DSCAM: variants seen among roughly 807,000 people sequenced by gnomAD.
DSCAM encodes the protein DS cell adhesion molecule.
DSCAM carries 47 observed loss-of-function variants against 217.7 expected under a neutral mutation model. That is an observed-to-expected ratio of 0.22 (90% confidence interval 0.17 to 0.28). The LOEUF is 0.28. Among genes scored for constraint, DSCAM ranks in the 10% least tolerant of loss-of-function variants. DSCAM has a pLI of 1.00. For missense variants in DSCAM, 2,080 were observed against 2,618.3 expected, an observed-to-expected ratio of 0.79 and a Z score of 4.49; for synonymous variants, 1,056 against 1,015.3, an observed-to-expected ratio of 1.04 and a Z score of -0.76.
At chr21:40,846,327 C>T (rs1033145851) in intron 1 of DSCAM, among the ~76,000 whole-genome samples, 1 of 152,094 alleles carries the variant, frequency 6.6e-6, no homozygotes. Context: ...CTGGTTTATT[C>T]TGAATGAGGC....
At chr21:40,453,460 GCAA>G (rs1208243333) in intron 3 of DSCAM, among the ~76,000 whole-genome samples, 1 of 152,162 alleles carries the variant, frequency 6.6e-6, no homozygotes, top group African/African-American at 2.4e-5. Context: ...CAAAACGCCT[GCAA>G]CAACAAAATG....
chr21:40,837,474 G>C (rs2092066413), intron 1 of DSCAM, among the ~76,000 whole-genome samples: 1 of 152,180 alleles, frequency 6.6e-6, no homozygotes, highest in South Asian at 2.1e-4. Context: ...AATATTCAAT[G>C]AAGCCTATTC....
intron 3 of DSCAM, among the ~76,000 whole-genome samples, chr21:40,560,839 G>T (rs562239947): frequency 6.6e-6 from 1 of 152,148 alleles, no homozygotes; most frequent in Admixed American, 6.5e-5. Context: ...TTGCTAGCCC[G>T]GGTAAAGATC....
At chr21:40,388,780 A>G (rs2075109141) in intron 3 of DSCAM, among the ~76,000 whole-genome samples, 1 of 152,136 alleles carries the variant, frequency 6.6e-6, no homozygotes, top group Non-Finnish European at 1.5e-5. Context: ...CACATACCCT[A>G]TTGGAGTAGG....
At position 40,075,094 on chromosome 21, in the gene DSCAM, C is replaced by T; in HGVS notation, c.4831G>A (p.Val1611Met). The T allele has an allele frequency of 1.2e-6, 2 of 1,614,190 alleles. No homozygotes were observed. Among genetic ancestry groups the T allele is most frequent in the Non-Finnish European group, 1.7e-6 (2 of 1,180,036 alleles). ...CILVGVLLLFVLLLVVRRRRR... is the reference protein window; with the variant it reads ...CILVGVLLLFMLLLVVRRRRR... ...CTCCTCCGCACAACCAGCAGGAGCACAAACAGCAGCAAGACCCCCACCAGG... is the reference window on the plus strand; with the variant it reads ...CTCCTCCGCACAACCAGCAGGAGCATAAACAGCAGCAAGACCCCCACCAGG... The change falls in exon 27 of 33, where the codon GTG becomes ATG. Residue 1611 changes from valine (V) to methionine (M), a missense_variant. This residue lies in a region of DSCAM where 1,144 missense variants were observed against 1,421.1 expected (regional missense o/e 0.81). Transcript: ENST00000400454.
chr21:40,475,584 G>A (rs1050351932), intron 3 of DSCAM, among the ~76,000 whole-genome samples: 2 of 152,194 alleles, frequency 1.3e-5, no homozygotes, highest in African/African-American at 4.8e-5. Context: ...CGCAGTGGCT[G>A]CACTTTGGGA....
chr21:40,200,729 T>A (rs1254352766), intron 11 of DSCAM, among the ~76,000 whole-genome samples: 2 of 152,220 alleles, frequency 1.3e-5, no homozygotes, highest in African/African-American at 4.8e-5. Context: ...TCTCTGCCTC[T>A]CAGTTTCATC....
chr21:40,587,449 G>GA (rs1207473112), intron 3 of DSCAM, among the ~76,000 whole-genome samples: 1 of 152,046 alleles, frequency 6.6e-6, no homozygotes, highest in Non-Finnish European at 1.5e-5. Context: ...ATCAGTTAAA[G>GA]AAAAAAATGG....
intron 32 of DSCAM, among the ~76,000 whole-genome samples, chr21:40,033,198 C>T (rs1365495510): frequency 6.6e-6 from 1 of 152,146 alleles, no homozygotes; most frequent in Non-Finnish European, 1.5e-5. Flanking sequence ...GGAACAGCTC[C>T]CGTCTACAGC....
intron 19 of DSCAM, among the ~76,000 whole-genome samples, chr21:40,125,113 T>C (rs770075548): frequency 6.6e-6 from 1 of 152,134 alleles, no homozygotes; most frequent in Non-Finnish European, 1.5e-5. Flanking sequence ...AGGAGAGGTA[T>C]GGAAATATTG....
At chr21:40,061,583 A>AAC in intron 28 of DSCAM, among the ~76,000 whole-genome samples, 1 of 112,228 alleles carries the variant, frequency 8.9e-6, no homozygotes, top group East Asian at 3.0e-4. Flanking sequence ...AAAAAAAAAA[A>AAC]AAGAAAAAGG....
intron 11 of DSCAM, among the ~76,000 whole-genome samples, chr21:40,220,293 C>T (rs552926455): frequency 2.2e-4 from 34 of 152,240 alleles, no homozygotes; most frequent in African/African-American, 7.2e-4. Flanking sequence ...TATTTCCAAA[C>T]GTAGCCAAGT....
chr21:40,178,308 C>G (rs749337098), intron 15 of DSCAM, among the ~76,000 whole-genome samples: 1 of 152,146 alleles, frequency 6.6e-6, no homozygotes, highest in Non-Finnish European at 1.5e-5. Context: ...TTATCACTGC[C>G]TGTTCCTGGG....
In DSCAM at chr21:40,036,193, C is replaced by CA. The variant is rs1377636063; in HGVS notation, c.5686+6177dup. Among the ~76,000 whole-genome samples the CA allele has an allele frequency of 1.4e-4, 20 of 145,518 alleles. 1 individual carries two copies. Among genetic ancestry groups the CA allele is most frequent in the African/African-American group, 4.6e-4 (17 of 37,252 alleles). ...AGCAGAACTGAAGGAAATAGAGACA[C>CA]AAAAAACCCTTCAAAAAATTAATGA... is the stretch of plus-strand genomic sequence containing the variant. On this transcript the variant is annotated intron_variant, in intron 32 of 32. Coordinates refer to ENST00000400454, the MANE Select transcript of DSCAM (RefSeq NM_001389.5).
chr21:40,846,546 T>TGGGGGGGGGGGGGGGGGGGGGGGGGGGGG, intron 1 of DSCAM, 73 bp downstream of exon 1: 1 of 296,850 alleles, frequency 3.4e-6, no homozygotes, highest in Non-Finnish European at 6.5e-6. Context: ...ATGCATCCAA[T>TGGGGGGGGGGGGGGGGGGGGGGGGGGGGG]GCCACCCCCC....
At chr21:40,083,569 T>A (rs1601313507) in intron 24 of DSCAM, among the ~76,000 whole-genome samples, 1 of 152,244 alleles carries the variant, frequency 6.6e-6, no homozygotes, top group East Asian at 1.9e-4. Flanking sequence ...ACAGTACCCA[T>A]GGTTACATAA....
At chr21:40,794,062 C>G (rs558735065) in intron 1 of DSCAM, among the ~76,000 whole-genome samples, 12 of 152,220 alleles carry the variant, frequency 7.9e-5, no homozygotes, top group African/African-American at 2.4e-4. Flanking sequence ...AAAGGCCAAC[C>G]TTCCTTGGCA....
In DSCAM at chr21:40,572,091, T is replaced by G. The variant is rs1041316889; in HGVS notation, c.508+120719A>C. 4.0e-4 allele frequency among the ~76,000 whole-genome samples: 38 copies of G among 95,768 alleles called. No homozygotes were observed. In the South Asian group the frequency reaches 4.4e-3, roughly 11 times the overall value. 62.8% of individuals were successfully genotyped at this position (95,768 alleles called of 152,430 possible). ...CTCAACATGTGTGTGTGTGGGTGTG[T>G]GTGTGTGTGTGTGTGTGTGTGTGTG... On this transcript the variant is annotated intron_variant, in intron 3 of 32. Transcript: ENST00000400454.
intron 3 of DSCAM, among the ~76,000 whole-genome samples, chr21:40,510,402 AAAT>A (rs1252540782): frequency 3.3e-5 from 5 of 152,238 alleles, no homozygotes; most frequent in East Asian, 1.9e-4. Context: ...ATCAATTTTT[AAAT>A]AATAAGTTGC....
Sources: gnomAD v4.1 joint callset for allele counts (sites outside exome capture counted in the v4.1 genomes callset) on GRCh38, gnomAD v4.1.1 for gene constraint, gnomAD v4.1.1 regional missense constraint, MANE v1.5 for transcripts, NCBI Gene and HGNC (gene_info 2026-07-23, HGNC 2026-07-21) for gene names.